MOSPD2: variants seen among roughly 807,000 people sequenced by gnomAD.
MOSPD2 encodes motile sperm domain containing 2.
A neutral mutation model predicts 41.7 loss-of-function variants in MOSPD2; 5 were observed. That is an observed-to-expected ratio of 0.12 (90% CI 0.06 to 0.25). MOSPD2 has a LOEUF of 0.25. Among genes scored for constraint, MOSPD2 ranks in the 10% least tolerant of loss-of-function variants. MOSPD2 has a pLI of 1.00. For synonymous variants in MOSPD2, 115 were observed against 126.9 expected, an observed-to-expected ratio of 0.91 and a Z score of 0.63; for missense variants, 282 against 375.2, an observed-to-expected ratio of 0.75 and a Z score of 2.05.
At chrX:14,901,185 C>T (rs1390410609) in intron 6 of MOSPD2, among the ~76,000 whole-genome samples, 1 of 111,253 alleles carries the variant, frequency 9.0e-6, no homozygotes, top group African/African-American at 3.3e-5. Context: ...GTGACTATTC[C>T]ATTAATTACC....
intron 8 of MOSPD2, 138 bp downstream of exon 8, chrX:14,909,122 G>A: frequency 2.5e-6 from 1 of 403,947 alleles, no homozygotes; most frequent in Non-Finnish European, 3.7e-6. Context: ...AGCAAGTAGT[G>A]TTACACACAT....
At chrX:14,892,597 A>C (rs758175297) in intron 2 of MOSPD2, 126 bp from the exon 3 acceptor site, 10 of 508,711 alleles carry the variant, frequency 2.0e-5, no homozygotes, top group Non-Finnish European at 3.3e-5. Context: ...TCTGAACTAC[A>C]TCCCTGAGTC....
intron 2 of MOSPD2, among the ~76,000 whole-genome samples, chrX:14,890,412 A>G (rs918668856): frequency 3.6e-5 from 4 of 111,471 alleles, no homozygotes; most frequent in Non-Finnish European, 7.5e-5. Context: ...ATTGTAAAAA[A>G]TGTGTTTTGA....
chrX:14,913,059 C>T (rs1198415432), intron 10 of MOSPD2, among the ~76,000 whole-genome samples: 1 of 111,888 alleles, frequency 8.9e-6, no homozygotes, highest in Non-Finnish European at 1.9e-5. Context: ...ATAGTATTAG[C>T]TTGTTTACAT....
intron 2 of MOSPD2, among the ~76,000 whole-genome samples, chrX:14,887,623 G>A (rs1363426642): frequency 1.8e-5 from 2 of 111,323 alleles, no homozygotes; most frequent in Non-Finnish European, 3.8e-5. Context: ...ACAAATGCAA[G>A]AGAAAAAAAG....
In MOSPD2 at chrX:14,885,412, C is replaced by T. The variant is rs754736266; in HGVS notation, c.80-7311C>T. The T allele has an allele frequency of 1.3e-4, 15 of 111,750 alleles. No individual in the cohort carries two copies. In the East Asian group the frequency reaches 3.9e-3, roughly 29 times the overall value. The allele number at this position is 111,750 out of a possible 1,213,427, so 9.2% of individuals were successfully genotyped here. ...GTGTAAATTCTTCTGCTAAATAACC[C>T]GTGGGTTAAAGAGGACATCACATTG... On this transcript the variant is annotated intron_variant, in intron 2 of 14. Transcript: ENST00000380492.
intron 2 of MOSPD2, 57 bp downstream of exon 2, chrX:14,873,815 C>T: frequency 9.9e-7 from 1 of 1,007,840 alleles, no homozygotes; most frequent in Non-Finnish European, 1.4e-6. Context: ...CCCAACTTTG[C>T]TGGAGTGTTT....
At chrX:14,873,577 G>T in intron 1 of MOSPD2, 40 bp downstream of exon 1, 1 of 1,211,532 alleles carries the variant, frequency 8.3e-7, no homozygotes, top group South Asian at 1.8e-5. Context: ...CCCCGGACCC[G>T]GAAGCCGCCT....
At chrX:14,884,141 T>TG (rs2092536899) in intron 2 of MOSPD2, among the ~76,000 whole-genome samples, 1 of 111,094 alleles carries the variant, frequency 9.0e-6, no homozygotes, top group Non-Finnish European at 1.9e-5. Flanking sequence ...AAGGTAAAAC[T>TG]TTTTAGGCAT....
chrX:14,874,069 C>T, intron 2 of MOSPD2: 1 of 323,568 alleles, frequency 3.1e-6, no homozygotes, highest in South Asian at 5.3e-5. Flanking sequence ...GTGACATTGT[C>T]CAGTCCACGG....
At chrX:14,904,644 A>G (rs1042312834) in intron 7 of MOSPD2, among the ~76,000 whole-genome samples, 1 of 111,780 alleles carries the variant, frequency 8.9e-6, no homozygotes, top group Non-Finnish European at 1.9e-5. Flanking sequence ...ACAGGGAAAG[A>G]ATTTAGATTA....
At position 14,902,991 on chromosome X, in the gene MOSPD2, T is replaced by A. The variant is rs745998107; in HGVS notation, c.564T>A (p.Pro188=). ...YLSKIVIFDM[P]WLMNAAFKIV... is the part of the protein sequence containing the mutation. ...CAAAAATAGTGATCTTTGATATGCCTTGGTTAATGAATGGTGAGTATATTT... is the reference window on the plus strand; with the variant it reads ...CAAAAATAGTGATCTTTGATATGCCATGGTTAATGAATGGTGAGTATATTT... The change falls in exon 7 of 15, where the codon CCT becomes CCA. Residue 188 remains proline, a synonymous_variant. Transcript: ENST00000380492. 1.7e-6 allele frequency: 2 copies of A among 1,156,180 alleles called. No homozygotes were observed. The highest frequency in any genetic ancestry group is 2.4e-6 in the Non-Finnish European group (2 of 847,597).
Position 14,912,948 on chromosome X carries a change from C to T in MOSPD2, c.992+587C>T, listed in dbSNP as rs1042946055. Among the ~76,000 whole-genome samples, 5 of 111,919 alleles carry T rather than the reference C, an allele frequency of 4.5e-5. No individual in the cohort carries two copies. In the Admixed American group the frequency reaches 4.8e-4, roughly 11 times the overall value. Reference sequence around the variant, plus strand: ...TATGATCTCATGTAGCATTTTCTGTCCCTTTACTTGAAACCTTTCTGTATA... The same window carrying T: ...TATGATCTCATGTAGCATTTTCTGTTCCTTTACTTGAAACCTTTCTGTATA... On this transcript the variant is annotated intron_variant, in intron 10 of 14. Transcript: ENST00000380492.
chrX:14,913,443 A>T (rs1264195811), intron 10 of MOSPD2, among the ~76,000 whole-genome samples: 1 of 111,403 alleles, frequency 9.0e-6, no homozygotes, highest in Admixed American at 9.6e-5. Context: ...AGACACAAGG[A>T]CCTAACCAAC....
chrX:14,918,874 T>C (rs2092604714), intron 14 of MOSPD2, 92 bp downstream of exon 14: 2 of 588,474 alleles, frequency 3.4e-6, no homozygotes, highest in Non-Finnish European at 5.6e-6. Context: ...AGAAAAACAT[T>C]TGGCATAGAC....
At chrX:14,889,716 G>T (rs1173397928) in intron 2 of MOSPD2, among the ~76,000 whole-genome samples, 1 of 111,484 alleles carries the variant, frequency 9.0e-6, no homozygotes, top group East Asian at 2.8e-4. Flanking sequence ...CATGTTATAT[G>T]TAAGAACATT....
chrX:14,915,884 C>G, intron 12 of MOSPD2, 120 bp downstream of exon 12: 1 of 651,768 alleles, frequency 1.5e-6, no homozygotes, highest in South Asian at 2.7e-5. Flanking sequence ...CAGAGTATCA[C>G]GAGTCACCTC....
chrX:14,904,025 A>T (rs1042342684), intron 7 of MOSPD2, among the ~76,000 whole-genome samples: 1 of 112,287 alleles, frequency 8.9e-6, no homozygotes, highest in Non-Finnish European at 1.9e-5. Context: ...ACTTCCCACG[A>T]AGAAAAGCCC....
intron 6 of MOSPD2, among the ~76,000 whole-genome samples, chrX:14,902,162 G>A (rs1259287383): frequency 9.0e-6 from 1 of 111,512 alleles, no homozygotes. Context: ...TTAAGCACCA[G>A]GGTGCCTCTT....
Sources: allele counts gnomAD v4.1 joint callset (sites outside exome capture counted in the v4.1 genomes callset), GRCh38; gene constraint gnomAD v4.1.1; transcripts MANE v1.5; gene names NCBI Gene and HGNC (gene_info 2026-07-23, HGNC 2026-07-21).